The following GNAL variants were observed in gnomAD, a reference collection of about 807,000 sequenced individuals.
GNAL encodes guanine nucleotide-binding protein G(olf) subunit alpha.
In GNAL, 18 loss-of-function variants were observed where a neutral mutation model predicts 55.1. That is an observed-to-expected ratio of 0.33 (90% CI 0.23 to 0.48). The LOEUF is 0.48. Ranked by LOEUF, GNAL falls within the 20% of genes least tolerant of loss-of-function variation. The pLI is 0.99. For synonymous variants in GNAL, 253 were observed against 237.0 expected, an observed-to-expected ratio of 1.07 and a Z score of -0.62; for missense variants, 412 against 614.1, an observed-to-expected ratio of 0.67 and a Z score of 3.48.
At chr18:11,761,397 T>C (rs929939085) in intron 4 of GNAL, among the ~76,000 whole-genome samples, 1 of 152,294 alleles carries the variant, frequency 6.6e-6, no homozygotes, top group East Asian at 1.9e-4. Flanking sequence ...TCCCCCAGGC[T>C]CTCTGGCAGG....
At chr18:11,866,416 C>T (rs1232123030) in intron 7 of GNAL, among the ~76,000 whole-genome samples, 1 of 150,312 alleles carries the variant, frequency 6.7e-6, no homozygotes, top group East Asian at 1.9e-4. Flanking sequence ...GGGAAGCCTG[C>T]GAAGGTTGGA....
At chr18:11,793,351 G>A (rs188249251) in intron 4 of GNAL, among the ~76,000 whole-genome samples, 98 of 152,158 alleles carry the variant, frequency 6.4e-4, no homozygotes, top group Non-Finnish European at 1.1e-3. Flanking sequence ...TGAGGTGGGA[G>A]GATCTCTTGA....
At chr18:11,864,034 C>T (rs2036205541) in intron 6 of GNAL, among the ~76,000 whole-genome samples, 1 of 151,304 alleles carries the variant, frequency 6.6e-6, no homozygotes, top group Non-Finnish European at 1.5e-5. Context: ...CAAACCAACA[C>T]ATTAACTGTG....
In GNAL at chr18:11,805,990, C is replaced by G. The variant is rs1013976261; in HGVS notation, c.625-18928C>G. ...AACAATGTATAAGTGTCCCTTTTCTCTCCATCCTCCCCAGCATGTTATTTT... is the reference window on the plus strand; with the variant it reads ...AACAATGTATAAGTGTCCCTTTTCTGTCCATCCTCCCCAGCATGTTATTTT... On this transcript the variant is annotated intron_variant, in intron 4 of 11. Coordinates refer to ENST00000334049, the MANE Select transcript of GNAL (RefSeq NM_182978.4). Among the ~76,000 whole-genome samples the G allele has an allele frequency of 3.9e-5, 6 of 152,190 alleles. No homozygotes were observed. The South Asian group carries it at 1.2e-3, about 31-fold the overall frequency.
intron 4 of GNAL, among the ~76,000 whole-genome samples, chr18:11,802,891 T>C (rs1225766467): frequency 6.6e-6 from 1 of 151,974 alleles, no homozygotes; most frequent in Non-Finnish European, 1.5e-5. Flanking sequence ...GGAGGCAGGC[T>C]CTCGAGTTCG....
intron 4 of GNAL, among the ~76,000 whole-genome samples, chr18:11,794,571 G>A (rs184764565): frequency 6.6e-6 from 1 of 152,236 alleles, no homozygotes; most frequent in Non-Finnish European, 1.5e-5. Context: ...GCCAGGTGTT[G>A]GAGGGAAGAG....
chr18:11,854,861 G>A (rs1033553280), intron 5 of GNAL, among the ~76,000 whole-genome samples: 13 of 152,128 alleles, frequency 8.5e-5, no homozygotes, highest in Admixed American at 4.6e-4. Flanking sequence ...CTCAGTCTTA[G>A]CACTTAAATT....
chr18:11,812,563 G>C (rs2034843267), intron 4 of GNAL, among the ~76,000 whole-genome samples: 1 of 152,226 alleles, frequency 6.6e-6, no homozygotes, highest in Non-Finnish European at 1.5e-5. Context: ...TGACATTCAG[G>C]CTGGGCACGG....
chr18:11,798,696 A>G (rs1364697802), intron 4 of GNAL, among the ~76,000 whole-genome samples: 1 of 152,232 alleles, frequency 6.6e-6, no homozygotes, highest in Non-Finnish European at 1.5e-5. Flanking sequence ...ATTTTGAAAG[A>G]TGTTAAATGC....
intron 4 of GNAL, among the ~76,000 whole-genome samples, chr18:11,801,747 T>C (rs1598471579): frequency 6.6e-6 from 1 of 152,066 alleles, no homozygotes; most frequent in African/African-American, 2.4e-5. Flanking sequence ...ATGTGGCTCG[T>C]GATAGCAAGA....
intron 5 of GNAL, among the ~76,000 whole-genome samples, chr18:11,846,139 A>G (rs2035729784): frequency 6.6e-6 from 1 of 152,112 alleles, no homozygotes; most frequent in South Asian, 2.1e-4. Context: ...AGGTGTGTTG[A>G]GATTTCATTT....
intron 4 of GNAL, among the ~76,000 whole-genome samples, chr18:11,819,910 GTTT>G (rs2035050090): frequency 6.6e-6 from 1 of 151,832 alleles, no homozygotes. Flanking sequence ...TTTTATTAAT[GTTT>G]TTAATTTTAT....
chr18:11,839,374 T>C (rs1245160055), intron 5 of GNAL, among the ~76,000 whole-genome samples: 3 of 150,090 alleles, frequency 2.0e-5, no homozygotes, highest in Admixed American at 1.3e-4. Context: ...CGAGACCTCA[T>C]CTCTACTAAA....
chr18:11,772,356 C>T (rs1002886537), intron 4 of GNAL, among the ~76,000 whole-genome samples: 1 of 152,198 alleles, frequency 6.6e-6, no homozygotes, highest in Non-Finnish European at 1.5e-5. Context: ...ACTCATGCTT[C>T]TCTTGTGGTT....
At chr18:11,834,448 A>G (rs368074403) in intron 5 of GNAL, among the ~76,000 whole-genome samples, 8 of 152,202 alleles carry the variant, frequency 5.3e-5, no homozygotes, top group Admixed American at 3.9e-4. Flanking sequence ...GGCTGGGCAC[A>G]GTGGCTCACG....
At chr18:11,704,362 T>C (rs953407608) in intron 1 of GNAL, among the ~76,000 whole-genome samples, 2 of 152,246 alleles carry the variant, frequency 1.3e-5, no homozygotes, top group Non-Finnish European at 2.9e-5. Flanking sequence ...AGAGCAGGCC[T>C]TCCACTGAAC....
At chr18:11,740,603 C>A (rs2032556161) in intron 1 of GNAL, among the ~76,000 whole-genome samples, 1 of 152,180 alleles carries the variant, frequency 6.6e-6, no homozygotes. Context: ...CAGTCCATCC[C>A]CACAGGCCTC....
chr18:11,696,961 A>G (rs937118528), intron 1 of GNAL, among the ~76,000 whole-genome samples: 3 of 152,232 alleles, frequency 2.0e-5, no homozygotes, highest in Admixed American at 6.5e-5. Context: ...TAGCACCGCC[A>G]TCCTCCAGTT....
chr18:11,806,260 A>T (rs920723374), intron 4 of GNAL, among the ~76,000 whole-genome samples: 1 of 152,198 alleles, frequency 6.6e-6, no homozygotes. Context: ...TCAGATGCAG[A>T]GTTTGCAGAT....
Sources: allele counts gnomAD v4.1 joint callset (sites outside exome capture counted in the v4.1 genomes callset), GRCh38; gene constraint gnomAD v4.1.1; transcripts MANE v1.5; gene names NCBI Gene and HGNC (gene_info 2026-07-23, HGNC 2026-07-21).